IQCM: variants seen among roughly 807,000 people sequenced by gnomAD.
The protein encoded by IQCM is IQ motif containing M, also known as IQ domain-containing protein M.
IQCM carries 45 observed loss-of-function variants against 57.6 expected under a neutral mutation model. The ratio of observed to expected loss-of-function variants is 0.78; its 90% CI spans 0.62 to 1.00. The LOEUF (loss-of-function observed/expected upper bound fraction) is 1.00, where lower values mean the gene tolerates loss of function less well. Ranked by LOEUF, IQCM falls within the 50% of genes least tolerant of loss-of-function variation. IQCM has a pLI of 0.00. For synonymous variants in IQCM, 148 were observed against 158.9 expected (o/e 0.93, Z 0.51); for missense variants, 468 against 511.6 (o/e 0.91, Z 0.82).
At chr4:149,533,587 C>A (rs1447525547) in intron 12 of IQCM, among the ~76,000 whole-genome samples, 1 of 152,040 alleles carries the variant, frequency 6.6e-6, no homozygotes, top group African/African-American at 2.4e-5. Flanking sequence ...TCCACATGGA[C>A]AGGGAAGCCT....
chr4:149,678,050 AC>A (rs1261576485), intron 7 of IQCM, among the ~76,000 whole-genome samples: 1 of 151,902 alleles, frequency 6.6e-6, no homozygotes, highest in Non-Finnish European at 1.5e-5. Flanking sequence ...ACCTCAAAAG[AC>A]CAAATCTAAG....
intron 7 of IQCM, among the ~76,000 whole-genome samples, chr4:149,624,964 C>T (rs1041927868): frequency 1.3e-5 from 2 of 152,150 alleles, no homozygotes; most frequent in Admixed American, 6.5e-5. Flanking sequence ...TCAATTCTCT[C>T]GTATCAATTA....
At chr4:149,675,633 T>A (rs1275586631) in intron 7 of IQCM, among the ~76,000 whole-genome samples, 1 of 151,998 alleles carries the variant, frequency 6.6e-6, no homozygotes, top group African/African-American at 2.4e-5. Flanking sequence ...GGGGTTTTAG[T>A]GATCGCAGGT....
At position 149,797,303 on chromosome 4, in the gene IQCM, T is replaced by C. The variant is rs1426427971; in HGVS notation, c.-49+18008A>G. ...TGAAGACTGCACCAGAGTTCTTTAGTAGCAGAACTGATCAAGCAGAAGAAA... is the reference window on the plus strand; with the variant it reads ...TGAAGACTGCACCAGAGTTCTTTAGCAGCAGAACTGATCAAGCAGAAGAAA... On this transcript the variant is annotated intron_variant, in intron 2 of 13. Transcript: ENST00000636793. Among the ~76,000 whole-genome samples, 5 of 152,080 alleles carry C rather than the reference T, an allele frequency of 3.3e-5. No individual in the cohort carries two copies. The East Asian group carries it at 7.7e-4, about 24-fold the overall frequency.
chr4:149,376,337 C>T (rs1357190461), intron 13 of IQCM, among the ~76,000 whole-genome samples: 1 of 152,032 alleles, frequency 6.6e-6, no homozygotes, highest in African/African-American at 2.4e-5. Flanking sequence ...TATAAAACTC[C>T]TTACATGCCA....
At chr4:149,762,623 A>G (rs1217753706) in intron 2 of IQCM, among the ~76,000 whole-genome samples, 1 of 152,094 alleles carries the variant, frequency 6.6e-6, no homozygotes, top group African/African-American at 2.4e-5. Flanking sequence ...TCTATAAGAC[A>G]ATCAATGCCA....
At chr4:149,409,307 G>A (rs1032657279) in intron 13 of IQCM, among the ~76,000 whole-genome samples, 2 of 152,222 alleles carry the variant, frequency 1.3e-5, no homozygotes, top group African/African-American at 4.8e-5. Context: ...GTTGGACTGT[G>A]GCCCATGCCA....
intron 12 of IQCM, among the ~76,000 whole-genome samples, chr4:149,539,947 T>C (rs950666898): frequency 6.6e-5 from 10 of 152,170 alleles, no homozygotes; most frequent in African/African-American, 2.4e-4. Context: ...CCAATGGATA[T>C]CCCAGGTGTT....
At chr4:149,416,366 A>G (rs935684485) in intron 13 of IQCM, among the ~76,000 whole-genome samples, 27 of 152,146 alleles carry the variant, frequency 1.8e-4, no homozygotes, top group African/African-American at 6.3e-4. Flanking sequence ...CATGGTCTCT[A>G]TAAATTAGAA....
chr4:149,431,303 G>A (rs770184214), intron 13 of IQCM, among the ~76,000 whole-genome samples: 10 of 151,918 alleles, frequency 6.6e-5, no homozygotes, highest in East Asian at 1.9e-4. Flanking sequence ...TAGTGTTCCA[G>A]TTGCTGCTCA....
At position 149,473,719 on chromosome 4, in the gene IQCM, C is replaced by G. The variant is rs375626390; in HGVS notation, c.1229-40162G>C. On this transcript the variant is annotated intron_variant, in intron 12 of 13. Coordinates refer to ENST00000636793, the MANE Select transcript of IQCM (RefSeq NM_001363507.2). ...TTTTCACAATAGCAAAGACTTGGAA[C>G]CAACCCAAATGTCCAACAATGATAG... is the stretch of plus-strand genomic sequence containing the variant. Among the ~76,000 whole-genome samples, 3 of 152,216 alleles carry G rather than the reference C, an allele frequency of 2.0e-5. No homozygotes were observed. In the East Asian group the frequency reaches 5.8e-4, roughly 29 times the overall value.
rs143592558 is a variant in IQCM at position 149,401,498 on chromosome 4, T to C, written c.1390+31898A>G. On this transcript the variant is annotated intron_variant, in intron 13 of 13. Coordinates refer to ENST00000636793, the MANE Select transcript of IQCM (RefSeq NM_001363507.2). ...AACATTTAGTTAAGGACCATATATGTTTGATCCAGATATTTGTAGTCCAGT... is the reference window on the plus strand; with the variant it reads ...AACATTTAGTTAAGGACCATATATGCTTGATCCAGATATTTGTAGTCCAGT... 4.1e-3 allele frequency among the ~76,000 whole-genome samples: 623 copies of C among 151,874 alleles called. 1 individual carries two copies. The highest frequency in any genetic ancestry group is 7.0e-3 in the Non-Finnish European group (473 of 67,796).
chr4:149,409,631 T>C (rs1733230062), intron 13 of IQCM, among the ~76,000 whole-genome samples: 1 of 152,178 alleles, frequency 6.6e-6, no homozygotes, highest in African/African-American at 2.4e-5. Flanking sequence ...AGAGAAAGAA[T>C]AGTGTGTGCA....
intron 9 of IQCM, among the ~76,000 whole-genome samples, chr4:149,580,685 G>A (rs1228307706): frequency 6.6e-6 from 1 of 151,564 alleles, no homozygotes; most frequent in Non-Finnish European, 1.5e-5. Context: ...CTGAGATAAA[G>A]AACACAGTAG....
chr4:149,500,270 CA>C (rs1462332997), intron 12 of IQCM, among the ~76,000 whole-genome samples: 1 of 152,134 alleles, frequency 6.6e-6, no homozygotes, highest in African/African-American at 2.4e-5. Context: ...TAAAAGTTGG[CA>C]TAATTATTTA....
intron 13 of IQCM, among the ~76,000 whole-genome samples, chr4:149,400,014 C>T (rs1018157152): frequency 6.6e-6 from 1 of 151,920 alleles, no homozygotes; most frequent in Non-Finnish European, 1.5e-5. Flanking sequence ...AATACAATTG[C>T]AGACTCTGGA....
intron 13 of IQCM, among the ~76,000 whole-genome samples, chr4:149,354,558 G>T (rs539633414): frequency 6.6e-6 from 1 of 151,912 alleles, no homozygotes; most frequent in South Asian, 2.1e-4. Flanking sequence ...TCAGGATTAA[G>T]TGCTTTCCTA....
chr4:149,555,868 C>G (rs1205611116), intron 10 of IQCM, among the ~76,000 whole-genome samples: 1 of 152,184 alleles, frequency 6.6e-6, no homozygotes, highest in African/African-American at 2.4e-5. Flanking sequence ...TGTAACAACT[C>G]TTTTGGGGAA....
chr4:149,749,614 A>T (rs1768245576), intron 2 of IQCM, among the ~76,000 whole-genome samples: 1 of 152,078 alleles, frequency 6.6e-6, no homozygotes, highest in Non-Finnish European at 1.5e-5. Context: ...TCAGAGGGTG[A>T]TTATAGAGAT....
Sources: gnomAD v4.1 joint callset for allele counts (sites outside exome capture counted in the v4.1 genomes callset) on GRCh38, gnomAD v4.1.1 for gene constraint, MANE v1.5 for transcripts, NCBI Gene and HGNC (gene_info 2026-07-23, HGNC 2026-07-21) for gene names.